The following ENDOD1 variants were observed in gnomAD, a reference collection of about 807,000 sequenced individuals.
ENDOD1 encodes endonuclease domain-containing 1 protein.
A neutral mutation model predicts 6.5 loss-of-function variants in ENDOD1; 9 were observed. The ratio of observed to expected loss-of-function variants is 1.39; its 90% confidence interval spans 0.84 to 2.43. The LOEUF (loss-of-function observed/expected upper bound fraction) is 2.43, where lower values mean the gene tolerates loss of function less well. ENDOD1 is among the 30% of genes most tolerant of loss of function. ENDOD1 has a pLI of 0.00. For synonymous variants in ENDOD1, 255 were observed against 255.2 expected (o/e 1.00, Z 0.01); for missense variants, 648 against 635.5 (o/e 1.02, Z -0.21).
rs1287496016 is a variant in ENDOD1 at position 95,129,817 on chromosome 11, C to A, written c.*238C>A. The A allele has an allele frequency of 6.2e-6, 3 of 484,852 alleles. No homozygotes were observed. The highest frequency in any genetic ancestry group is 3.6e-5 in the Admixed American group (1 of 27,700). The allele number at this position is 484,852 out of a possible 1,614,324, so 30.0% of individuals were successfully genotyped here. A position where few individuals can be genotyped will look rare whatever the true frequency, so the allele number is the denominator to read the frequency against. The stretch of plus-strand genomic sequence containing the variant: ...CCAGTTATATGTGCAAACTCCCAAG[C>A]CACTAATAACTTCAGTTATGCACTC... On this transcript the variant is annotated 3_prime_UTR_variant, in exon 2 of 2. Coordinates refer to ENST00000278505, the MANE Select transcript of ENDOD1 (RefSeq NM_015036.3).
chr11:95,097,747 T>C (rs1366636059), intron 1 of ENDOD1, among the ~76,000 whole-genome samples: 1 of 152,208 alleles, frequency 6.6e-6, no homozygotes, highest in Non-Finnish European at 1.5e-5. Flanking sequence ...GCACTGTATA[T>C]TCTGGATATA....
intron 1 of ENDOD1, among the ~76,000 whole-genome samples, chr11:95,104,323 C>T (rs1859069343): frequency 6.6e-6 from 1 of 152,050 alleles, no homozygotes; most frequent in Non-Finnish European, 1.5e-5. Flanking sequence ...TGGCACATGC[C>T]TGTAATCCCA....
At chr11:95,099,065 T>A (rs1483706754) in intron 1 of ENDOD1, among the ~76,000 whole-genome samples, 1 of 152,162 alleles carries the variant, frequency 6.6e-6, no homozygotes, top group Non-Finnish European at 1.5e-5. Flanking sequence ...CCTTTGTGGC[T>A]ATAGGAAGGG....
At chr11:95,102,024 C>T (rs1484464109) in intron 1 of ENDOD1, among the ~76,000 whole-genome samples, 1 of 152,058 alleles carries the variant, frequency 6.6e-6, no homozygotes, top group African/African-American at 2.4e-5. Context: ...TTGAAAAAAT[C>T]TGACCTTCCT....
In ENDOD1 at chr11:95,093,561, T is replaced by G. The variant is rs151052785; in HGVS notation, c.300+3334T>G. 2.1e-3 allele frequency among the ~76,000 whole-genome samples: 327 copies of G among 152,368 alleles called. 3 individuals carry two copies. Among genetic ancestry groups the G allele is most frequent in the African/African-American group, 6.9e-3 (287 of 41,586 alleles). ...TGTTTTGTAATTATCTGCTTATGTA[T>G]CTGTCTCCCCAACTTGAGCCCTTGA... On this transcript the variant is annotated intron_variant, in intron 1 of 1. Transcript: ENST00000278505.
intron 1 of ENDOD1, among the ~76,000 whole-genome samples, chr11:95,104,401 C>T (rs1255725172): frequency 6.8e-6 from 1 of 147,482 alleles, no homozygotes; most frequent in Non-Finnish European, 1.5e-5. Context: ...GAGCTGAGGT[C>T]GCATCACTGC....
chr11:95,100,983 CATTT>C (rs1413620867), intron 1 of ENDOD1, among the ~76,000 whole-genome samples: 1 of 144,858 alleles, frequency 6.9e-6, no homozygotes, highest in Non-Finnish European at 1.5e-5. Flanking sequence ...ATTATACATT[CATTT>C]GTGTGACTAA....
At chr11:95,127,901 A>C (rs1859326786) in intron 1 of ENDOD1, among the ~76,000 whole-genome samples, 1 of 152,098 alleles carries the variant, frequency 6.6e-6, no homozygotes, top group Admixed American at 6.5e-5. Context: ...CTGGGATTAC[A>C]GGCACCCATC....
intron 1 of ENDOD1, among the ~76,000 whole-genome samples, chr11:95,094,123 A>G (rs1007602365): frequency 1.4e-5 from 2 of 148,090 alleles, no homozygotes; most frequent in Non-Finnish European, 3.0e-5. Flanking sequence ...TGAATATATA[A>G]ATTATATAAT....
At chr11:95,098,550 T>C (rs1555110557) in intron 1 of ENDOD1, among the ~76,000 whole-genome samples, 1 of 152,206 alleles carries the variant, frequency 6.6e-6, no homozygotes, top group Non-Finnish European at 1.5e-5. Context: ...ATATCAGTTA[T>C]ACTTTGATAC....
chr11:95,102,477 G>A (rs1859050045), intron 1 of ENDOD1, among the ~76,000 whole-genome samples: 1 of 151,588 alleles, frequency 6.6e-6, no homozygotes, highest in Admixed American at 6.6e-5. Flanking sequence ...TTCGAGACCA[G>A]CCTGGCCAAC....
rs1471478666 is a variant in ENDOD1, at chr11:95,090,169, T to TCCGCGCC, written c.251_257dup (p.Gly89CysfsTer17). The TCCGCGCC allele has an allele frequency of 2.6e-5, 38 of 1,449,186 alleles. No individual in the cohort carries two copies. Among genetic ancestry groups the TCCGCGCC allele is most frequent in the Non-Finnish European group, 3.1e-5 (34 of 1,086,638 alleles). 89.8% of individuals were successfully genotyped at this position (1,449,186 alleles called of 1,614,324 possible). On this transcript the variant is annotated frameshift_variant, in exon 1 of 2. Coordinates refer to ENST00000278505, the MANE Select transcript of ENDOD1 (RefSeq NM_015036.3). LOFTEE classifies it high-confidence loss of function. ...GACCGCATCCCCGTGTACTCCGCGT[T>TCCGCGCC]CCGCGCCCCGCGCCCTGCGCCCGGC...
At chr11:95,121,171 G>GT (rs1203334740) in intron 1 of ENDOD1, among the ~76,000 whole-genome samples, 2 of 152,304 alleles carry the variant, frequency 1.3e-5, no homozygotes, top group South Asian at 2.1e-4. Context: ...TATGAAGGTA[G>GT]TTTTTTGTGT....
At chr11:95,098,069 G>A (rs1413511236) in intron 1 of ENDOD1, among the ~76,000 whole-genome samples, 1 of 152,050 alleles carries the variant, frequency 6.6e-6, no homozygotes, top group Non-Finnish European at 1.5e-5. Flanking sequence ...GCTTTAATGA[G>A]CATTTCCTTT....
At chr11:95,102,310 A>G (rs978968919) in intron 1 of ENDOD1, among the ~76,000 whole-genome samples, 1 of 151,360 alleles carries the variant, frequency 6.6e-6, no homozygotes, top group Non-Finnish European at 1.5e-5. Context: ...GGTAAATTTT[A>G]TTAACCTCAA....
intron 1 of ENDOD1, among the ~76,000 whole-genome samples, chr11:95,104,470 A>C (rs183195654): frequency 0.058 from 8,676 of 149,844 alleles, 353 homozygotes; most frequent in South Asian, 0.15. Flanking sequence ...AAAAAAAGAA[A>C]GAAGGACAAC....
chr11:95,122,569 G>T (rs1859271883), intron 1 of ENDOD1, among the ~76,000 whole-genome samples: 2 of 141,374 alleles, frequency 1.4e-5, no homozygotes, highest in African/African-American at 5.3e-5. Flanking sequence ...GTTTCCTATA[G>T]ATGAAGTGGG....
intron 1 of ENDOD1, among the ~76,000 whole-genome samples, chr11:95,101,763 C>A (rs1859043194): frequency 6.6e-6 from 1 of 152,124 alleles, no homozygotes; most frequent in Non-Finnish European, 1.5e-5. Flanking sequence ...CTAATAAGCC[C>A]CTCAAACAAC....
chr11:95,127,785 A>C (rs925496910), intron 1 of ENDOD1, among the ~76,000 whole-genome samples: 3 of 151,194 alleles, frequency 2.0e-5, no homozygotes, highest in Non-Finnish European at 2.9e-5. Flanking sequence ...TTTGAGACAG[A>C]GTCTTGCTCT....
Sources: gnomAD v4.1 joint callset for allele counts (sites outside exome capture counted in the v4.1 genomes callset) on GRCh38, gnomAD v4.1.1 for gene constraint, MANE v1.5 for transcripts, NCBI Gene and HGNC (gene_info 2026-07-23, HGNC 2026-07-21) for gene names.